Variants in GRID2 observed in about 807,000 individuals in gnomAD.
GRID2 encodes glutamate receptor ionotropic, delta-2.
A neutral mutation model predicts 114.8 loss-of-function variants in GRID2; 33 were observed. The observed-to-expected ratio is 0.29, with a 90% confidence interval of 0.22 to 0.38. GRID2 has a LOEUF of 0.38. Ranked by LOEUF, GRID2 falls within the 10% of genes least tolerant of loss-of-function variation. The pLI, the probability that GRID2 is intolerant of heterozygous loss-of-function variation, is 1.00. For missense variants in GRID2, 1,184 were observed against 1,257.7 expected, an observed-to-expected ratio of 0.94 and a Z score of 0.89; for synonymous variants, 505 against 449.9, an observed-to-expected ratio of 1.12 and a Z score of -1.55.
At chr4:93,693,237 G>A (rs1726719263) in intron 14 of GRID2, among the ~76,000 whole-genome samples, 1 of 152,114 alleles carries the variant, frequency 6.6e-6, no homozygotes, top group Admixed American at 6.6e-5. Flanking sequence ...ATACTCATAA[G>A]GTCAAGACTA....
At chr4:93,383,238 G>A (rs368215930) in intron 8 of GRID2, among the ~76,000 whole-genome samples, 7 of 152,034 alleles carry the variant, frequency 4.6e-5, no homozygotes, top group Admixed American at 1.3e-4. Flanking sequence ...CTAGCCCTTC[G>A]TCTACAAGTC....
chr4:92,860,673 T>G (rs2149434473), intron 2 of GRID2, among the ~76,000 whole-genome samples: 1 of 152,286 alleles, frequency 6.6e-6, no homozygotes, highest in South Asian at 2.1e-4. Flanking sequence ...GTGATTAGTT[T>G]ATTTATCCTA....
chr4:93,421,846 CA>C (rs11292676), intron 9 of GRID2, among the ~76,000 whole-genome samples: 26,549 of 113,088 alleles, frequency 0.23, 4,322 homozygotes, highest in African/African-American at 0.5. Context: ...AAAAATCATT[CA>C]AAAAAAAAAA....
intron 8 of GRID2, among the ~76,000 whole-genome samples, chr4:93,321,858 G>A (rs1053754578): frequency 6.6e-6 from 1 of 151,704 alleles, no homozygotes; most frequent in Admixed American, 6.6e-5. Flanking sequence ...CAGGGACCTA[G>A]AATATTTTAA....
intron 1 of GRID2, among the ~76,000 whole-genome samples, chr4:92,456,162 A>G (rs1224238884): frequency 1.2e-5 from 1 of 82,346 alleles, no homozygotes; most frequent in East Asian, 2.4e-4. Flanking sequence ...GCTTTCCCAG[A>G]AAAAAAAAAA....
chr4:92,531,572 A>G (rs1180324055), intron 1 of GRID2, among the ~76,000 whole-genome samples: 2 of 152,144 alleles, frequency 1.3e-5, no homozygotes, highest in African/African-American at 4.8e-5. Flanking sequence ...TGTACACAGA[A>G]TAAGTGTTGA....
In GRID2 at chr4:92,492,698, A is replaced by C. The variant is rs546411255; in HGVS notation, c.89-97433A>C. On this transcript the variant is annotated intron_variant, in intron 1 of 15. Coordinates refer to ENST00000282020, the MANE Select transcript of GRID2 (RefSeq NM_001510.4). The stretch of plus-strand genomic sequence containing the variant: ...ATATGAAGCTCAAAGGCTCCTAGGA[A>C]CCAACAGCTTTTAAAATGATGCATG... 9.2e-5 allele frequency among the ~76,000 whole-genome samples: 14 copies of C among 152,288 alleles called. No individual in the cohort carries two copies. In the East Asian group the frequency reaches 2.7e-3, roughly 29 times the overall value.
chr4:92,660,551 G>C (rs1167729776), intron 2 of GRID2, among the ~76,000 whole-genome samples: 3 of 151,294 alleles, frequency 2.0e-5, no homozygotes, highest in African/African-American at 7.2e-5. Context: ...GTATTACTTA[G>C]AAGAGTCTTA....
rs111770465 is a variant in GRID2, at chr4:93,766,223, T to G, written c.2361-2987T>G. ...GTATTAGTTCGTTCTCTCACTGCTATGAAGAAATACCCAAGACTGGGTAGT... is the reference window on the plus strand; with the variant it reads ...GTATTAGTTCGTTCTCTCACTGCTAGGAAGAAATACCCAAGACTGGGTAGT... On this transcript the variant is annotated intron_variant, in intron 14 of 15. Coordinates refer to ENST00000282020, the MANE Select transcript of GRID2 (RefSeq NM_001510.4). 7.1e-3 allele frequency among the ~76,000 whole-genome samples: 1,077 copies of G among 152,306 alleles called. 14 individuals carry two copies. The highest frequency in any genetic ancestry group is 0.025 in the African/African-American group (1,029 of 41,580).
At chr4:93,708,685 A>G (rs1395100561) in intron 14 of GRID2, among the ~76,000 whole-genome samples, 2 of 151,988 alleles carry the variant, frequency 1.3e-5, no homozygotes, top group Non-Finnish European at 2.9e-5. Flanking sequence ...ATTGACAAGT[A>G]AGGACTTACT....
At chr4:93,192,593 C>T (rs1358181087) in intron 4 of GRID2, among the ~76,000 whole-genome samples, 3 of 151,648 alleles carry the variant, frequency 2.0e-5, no homozygotes, top group African/African-American at 7.3e-5. Context: ...ACTAAAAATA[C>T]AAAAAATAGC....
At chr4:92,961,152 A>T (rs1418389190) in intron 2 of GRID2, among the ~76,000 whole-genome samples, 1 of 151,862 alleles carries the variant, frequency 6.6e-6, no homozygotes, top group Admixed American at 6.6e-5. Context: ...GCATACACAT[A>T]TATATGCATT....
At chr4:93,528,171 C>CAT (rs1347733882) in intron 13 of GRID2, among the ~76,000 whole-genome samples, 5 of 151,066 alleles carry the variant, frequency 3.3e-5, no homozygotes, top group Non-Finnish European at 5.9e-5. Context: ...TATGTATATA[C>CAT]ATATACACAC....
intron 2 of GRID2, among the ~76,000 whole-genome samples, chr4:92,913,858 C>T (rs907700345): frequency 6.6e-6 from 1 of 151,930 alleles, no homozygotes; most frequent in Admixed American, 6.6e-5. Flanking sequence ...TTCCTCTTCC[C>T]TCACAAAAAA....
Position 92,471,809 on chromosome 4 carries a change from C to T in GRID2, c.89-118322C>T, listed in dbSNP as rs1368829913. 2.6e-5 allele frequency among the ~76,000 whole-genome samples: 4 copies of T among 152,004 alleles called. No homozygotes were observed. In the East Asian group the frequency reaches 7.8e-4, roughly 29 times the overall value. ...CAGGAAAACGTGGTTTTTTTCTGGTCACTGTATTAGTTTGCATTTTATACA... is the reference window on the plus strand; with the variant it reads ...CAGGAAAACGTGGTTTTTTTCTGGTTACTGTATTAGTTTGCATTTTATACA... On this transcript the variant is annotated intron_variant, in intron 1 of 15. Transcript: ENST00000282020.
At chr4:92,680,054 A>G (rs186496778) in intron 2 of GRID2, among the ~76,000 whole-genome samples, 1 of 152,192 alleles carries the variant, frequency 6.6e-6, no homozygotes, top group African/African-American at 2.4e-5. Context: ...GTTTGGCCTG[A>G]CCGGTGAGTC....
At chr4:93,786,393 A>C (rs1360946646) in intron 1 of GRID2, among the ~76,000 whole-genome samples, 1 of 152,230 alleles carries the variant, frequency 6.6e-6, no homozygotes, top group East Asian at 1.9e-4. Flanking sequence ...CGTAGGAGAC[A>C]CTTGAGCACA....
At chr4:92,722,536 T>C (rs1735859253) in intron 2 of GRID2, among the ~76,000 whole-genome samples, 1 of 151,866 alleles carries the variant, frequency 6.6e-6, no homozygotes, top group African/African-American at 2.4e-5. Context: ...TAAAGAAACA[T>C]GACAAGGGGA....
chr4:92,885,543 C>A (rs1400179494), intron 2 of GRID2, among the ~76,000 whole-genome samples: 1 of 152,084 alleles, frequency 6.6e-6, no homozygotes, highest in African/African-American at 2.4e-5. Flanking sequence ...AGTGGGCTGC[C>A]CTGATGGTAC....
Sources: allele counts gnomAD v4.1 joint callset (sites outside exome capture counted in the v4.1 genomes callset), GRCh38; gene constraint gnomAD v4.1.1; transcripts MANE v1.5; gene names NCBI Gene and HGNC (gene_info 2026-07-23, HGNC 2026-07-21).